Variants in HUWE1 observed in about 807,000 individuals in gnomAD.
The protein encoded by HUWE1 is E3 ubiquitin-protein ligase HUWE1.
In HUWE1, 18 loss-of-function variants were observed where a neutral mutation model predicts 299.4. That is an observed-to-expected ratio of 0.06 (90% CI 0.04 to 0.09). The LOEUF (loss-of-function observed/expected upper bound fraction) is 0.09. Among genes scored for constraint, HUWE1 ranks in the 10% least tolerant of loss-of-function variants. The pLI is 1.00. For synonymous variants in HUWE1, 1,317 were observed against 1,286.1 expected (o/e 1.02, Z -0.51); for missense variants, 1,832 against 3,462.3 (o/e 0.53, Z 11.82).
chrX:53,574,413 T>C (rs1449438955), intron 46 of HUWE1, among the ~76,000 whole-genome samples: 1 of 112,445 alleles, frequency 8.9e-6, no homozygotes, highest in Non-Finnish European at 1.9e-5. Flanking sequence ...ATTCTGGCAG[T>C]TATCCTGCAT....
At chrX:53,672,807 C>T (rs998776997) in intron 3 of HUWE1, among the ~76,000 whole-genome samples, 1 of 111,551 alleles carries the variant, frequency 9.0e-6, no homozygotes, top group Non-Finnish European at 1.9e-5. Flanking sequence ...TTAAAAAGAG[C>T]ATTTCTGAAA....
intron 3 of HUWE1, among the ~76,000 whole-genome samples, chrX:53,675,395 C>T (rs2069765990): frequency 8.9e-6 from 1 of 111,767 alleles, no homozygotes; most frequent in African/African-American, 3.3e-5. Flanking sequence ...TCAGCAGTCT[C>T]AAAGGCTGGG....
chrX:53,668,939 G>A (rs1217613165), intron 3 of HUWE1, among the ~76,000 whole-genome samples: 1 of 112,100 alleles, frequency 8.9e-6, no homozygotes, highest in Non-Finnish European at 1.9e-5. Context: ...GGAGGCTCCA[G>A]TTTCATTCTC....
rs1569424592 is a variant in HUWE1, at chrX:53,549,022, G to T, written c.9972C>A (p.Ile3324=). 1.7e-6 allele frequency: 2 copies of T among 1,207,239 alleles called. No individual in the cohort carries two copies. Among genetic ancestry groups the T allele is most frequent in the Admixed American group, 2.2e-5 (1 of 45,501 alleles). Residue 3324 remains isoleucine, a synonymous_variant, in exon 67 of 84, where the codon ATC becomes ATA. Coordinates refer to ENST00000262854, the MANE Select transcript of HUWE1 (RefSeq NM_031407.7). ...KHASGGSTVH[I]HPQAAPVVCR... ...AGACAACAGGAGCAGCTTGGGGATG[G>T]ATGTGGACGGTGGAGCCACCGCTTG...
At chrX:53,665,869 T>C (rs1185614788) in intron 3 of HUWE1, among the ~76,000 whole-genome samples, 1 of 112,036 alleles carries the variant, frequency 8.9e-6, no homozygotes. Flanking sequence ...TCTGGCTGCA[T>C]GCCTGTAATC....
chrX:53,678,028 A>G (rs2069920152), intron 3 of HUWE1, among the ~76,000 whole-genome samples: 1 of 112,094 alleles, frequency 8.9e-6, no homozygotes. Flanking sequence ...ATCTAGTTCA[A>G]TCAGCAATCC....
intron 17 of HUWE1, chrX:53,625,463 C>T: frequency 2.8e-6 from 1 of 353,790 alleles, no homozygotes. Flanking sequence ...TTTACCAATA[C>T]TAAAAGTCTA....
chrX:53,546,976 T>C (rs1313331872), intron 68 of HUWE1, 151 bp from the exon 69 acceptor site: 10 of 691,511 alleles, frequency 1.4e-5, no homozygotes, highest in Non-Finnish European at 2.0e-5. Flanking sequence ...CAAATCTAAA[T>C]GACTTGGGAT....
At chrX:53,591,285 T>C (rs1267149377) in intron 33 of HUWE1, among the ~76,000 whole-genome samples, 163 bp from the exon 34 acceptor site, 1 of 112,214 alleles carries the variant, frequency 8.9e-6, no homozygotes, top group Admixed American at 9.4e-5. Context: ...TCCTTTCTGT[T>C]TGGTGCTTCT....
intron 19 of HUWE1, among the ~76,000 whole-genome samples, chrX:53,622,517 G>T (rs1165452321): frequency 9.0e-6 from 1 of 111,317 alleles, no homozygotes; most frequent in Non-Finnish European, 1.9e-5. Flanking sequence ...ACAAGTTTAG[G>T]TATTTCCAAT....
At position 53,547,698 on chromosome X, in the gene HUWE1, G is replaced by T; in HGVS notation, c.10611C>A (p.Pro3537=). Residue 3537 remains proline, a synonymous_variant, in exon 68 of 84, where the codon CCC becomes CCA. Transcript: ENST00000262854. ...VVAASTTVTT[P]TTATTTVSIS... The stretch of plus-strand genomic sequence containing the variant: ...TTGAAACAGTAGTGGTAGCAGTCGT[G>T]GGGGTAGTCACTGTGGTCGAAGCAG... 8.3e-7 allele frequency: 1 copy of T among 1,209,996 alleles called. No individual in the cohort carries two copies. Among genetic ancestry groups the T allele is most frequent in the Non-Finnish European group, 1.1e-6 (1 of 894,325 alleles).
chrX:53,662,710 A>C (rs924476986), intron 3 of HUWE1, among the ~76,000 whole-genome samples: 2 of 112,333 alleles, frequency 1.8e-5, no homozygotes, highest in East Asian at 5.5e-4. Flanking sequence ...GTCAGCACAC[A>C]TATATTACTT....
At chrX:53,555,034 C>T (rs2061934884) in intron 60 of HUWE1, 114 bp from the exon 61 acceptor site, 1 of 540,127 alleles carries the variant, frequency 1.9e-6, no homozygotes, top group Non-Finnish European at 2.9e-6. Flanking sequence ...AGTGATCATC[C>T]CCACAACAAA....
Position 53,615,253 on chromosome X carries a change from C to CT in HUWE1, c.2049+490dup, listed in dbSNP as rs1318561401. Among the ~76,000 whole-genome samples the CT allele has an allele frequency of 1.8e-3, 184 of 103,289 alleles. 1 individual carries two copies. The highest frequency in any genetic ancestry group is 8.3e-3 in the South Asian group (20 of 2,403). 89.7% of individuals were successfully genotyped at this position (103,289 alleles called of 115,157 possible). ...GGAAAACAATTCTCAATCTAAAATA[C>CT]TTTTTTTTTTTTTGGAGACAGAGTC... On this transcript the variant is annotated intron_variant, in intron 22 of 83. Transcript: ENST00000262854.
chrX:53,608,453 T>A (rs1260921839), intron 24 of HUWE1, among the ~76,000 whole-genome samples: 1 of 112,316 alleles, frequency 8.9e-6, no homozygotes, highest in Admixed American at 9.4e-5. Flanking sequence ...TTTTTGAATA[T>A]TTGCATTATA....
intron 3 of HUWE1, among the ~76,000 whole-genome samples, chrX:53,658,682 C>G (rs1489030208): frequency 8.9e-6 from 1 of 111,819 alleles, no homozygotes; most frequent in Non-Finnish European, 1.9e-5. Flanking sequence ...AAATCTAAAC[C>G]GAAATTACAT....
In HUWE1 at chrX:53,565,161, G is replaced by T; in HGVS notation, c.6786C>A (p.Ser2262Arg). The T allele has an allele frequency of 8.3e-7, 1 of 1,210,976 alleles. No homozygotes were observed. Among genetic ancestry groups the T allele is most frequent in the Non-Finnish European group, 1.1e-6 (1 of 894,714 alleles). ...TLSRIVNQPS[S>R]LFGSKSASSK... is the part of the protein sequence containing the mutation. ...TAGAAGCACTCTTGCTGCCAAAAAG[G>T]CTACTGGGCTGGTTCACAATCCGGG... The change falls in exon 50 of 84, where the codon AGC (serine) becomes AGA (arginine). Residue 2262 changes from serine (S) to arginine (R), a missense_variant. Ser to Arg is a moderately radical substitution (Grantham distance 110, BLOSUM62 -1). Around this residue, in one of 15 missense-constraint regions of HUWE1, gnomAD observed 26 missense variants for 20.7 expected, o/e 1.26. Transcript: ENST00000262854.
chrX:53,654,224 A>C, intron 3 of HUWE1, 93 bp from the exon 4 acceptor site: 1 of 565,923 alleles, frequency 1.8e-6, no homozygotes, highest in East Asian at 3.7e-5. Flanking sequence ...ATGAAGAGCA[A>C]TGCAAAATGC....
chrX:53,654,984 A>G (rs1569511683), intron 3 of HUWE1, among the ~76,000 whole-genome samples: 1 of 111,959 alleles, frequency 8.9e-6, no homozygotes. Flanking sequence ...GAGCACAGAA[A>G]ACAATCATTT....
Sources: allele counts gnomAD v4.1 joint callset (sites outside exome capture counted in the v4.1 genomes callset), GRCh38; gene constraint gnomAD v4.1.1; regional missense constraint gnomAD v4.1.1; transcripts MANE v1.5; gene names NCBI Gene and HGNC (gene_info 2026-07-23, HGNC 2026-07-21).